PTPRN2: variants seen among roughly 807,000 people sequenced by gnomAD.
PTPRN2 encodes the protein receptor-type tyrosine-protein phosphatase N2.
A neutral mutation model predicts 118.8 loss-of-function variants in PTPRN2; 74 were observed. That is an observed-to-expected ratio of 0.62 (90% CI 0.52 to 0.76). PTPRN2 has a LOEUF of 0.76. Ranked by LOEUF, PTPRN2 falls within the 30% of genes least tolerant of loss-of-function variation. The pLI is 0.00. For synonymous variants in PTPRN2, 641 were observed against 608.0 expected (o/e 1.05, Z -0.80); for missense variants, 1,481 against 1,394.4 (o/e 1.06, Z -0.99).
chr7:158,149,132 C>A (rs1207357733), intron 6 of PTPRN2, among the ~76,000 whole-genome samples: 1 of 150,876 alleles, frequency 6.6e-6, no homozygotes, highest in Admixed American at 6.6e-5. Flanking sequence ...GACACCCCAT[C>A]TCACGCCACG....
At chr7:158,295,839 C>T (rs1366943368) in intron 3 of PTPRN2, among the ~76,000 whole-genome samples, 1 of 152,286 alleles carries the variant, frequency 6.6e-6, no homozygotes, top group African/African-American at 2.4e-5. Flanking sequence ...TGCCTGTCTG[C>T]CCAGATGCTG....
At chr7:157,981,618 A>G (rs536124216) in intron 11 of PTPRN2, among the ~76,000 whole-genome samples, 1 of 152,364 alleles carries the variant, frequency 6.6e-6, no homozygotes, top group African/African-American at 2.4e-5. Flanking sequence ...CTTTATTTTA[A>G]AAAATAACTC....
At chr7:158,132,669 A>G (rs1360496962) in intron 9 of PTPRN2, among the ~76,000 whole-genome samples, 1 of 145,534 alleles carries the variant, frequency 6.9e-6, no homozygotes, top group Admixed American at 6.8e-5. Flanking sequence ...ACACTCATAT[A>G]CACACAGATA....
chr7:157,663,326 C>T (rs1000329612), intron 13 of PTPRN2, among the ~76,000 whole-genome samples: 8 of 152,278 alleles, frequency 5.3e-5, no homozygotes, highest in Admixed American at 3.3e-4. Flanking sequence ...GGCTGTCGGC[C>T]GTCCTGCACG....
chr7:158,148,506 C>G, intron 6 of PTPRN2, among the ~76,000 whole-genome samples: 1 of 137,346 alleles, frequency 7.3e-6, no homozygotes, highest in East Asian at 2.1e-4. Flanking sequence ...GTGTCTTTCC[C>G]CCTCACTGAC....
At chr7:157,923,548 C>T (rs1563242445) in intron 11 of PTPRN2, among the ~76,000 whole-genome samples, 3 of 152,324 alleles carry the variant, frequency 2.0e-5, no homozygotes, top group Middle Eastern at 3.4e-3. Flanking sequence ...AAGACAGGCC[C>T]GAGACCTCCT....
At position 158,171,282 on chromosome 7, in the gene PTPRN2, T is replaced by C. The variant is rs1476940133; in HGVS notation, c.550-3991A>G. ...ATATATACACACATATATACACACA[T>C]ATATATACACACATATATATACACA... On this transcript the variant is annotated intron_variant, in intron 5 of 22. Transcript: ENST00000389418. Among the ~76,000 whole-genome samples, 18 of 19,272 alleles carry C rather than the reference T, an allele frequency of 9.3e-4. 1 individual carries two copies. In the East Asian group the frequency reaches 0.017, roughly 18 times the overall value. The allele number at this position is 19,272 out of a possible 152,430, so 12.6% of individuals were successfully genotyped here.
chr7:157,674,162 A>G lies in PTPRN2; in HGVS notation c.2001+8563T>C, dbSNP rs190458392. Among the ~76,000 whole-genome samples the G allele has an allele frequency of 1.8e-3, 275 of 152,140 alleles. No individual in the cohort carries two copies. Among genetic ancestry groups the G allele is most frequent in the African/African-American group, 4.6e-3 (192 of 41,512 alleles). On this transcript the variant is annotated intron_variant, in intron 13 of 22. Transcript: ENST00000389418. The surrounding 1 kb of genome is among the most constrained non-coding windows in gnomAD (Gnocchi z 4.5). ...AGCCATGGCAAAATGAACCCCCAAC[A>G]CAGCAGGGGAGGGAAGGAGGAGGCG...
chr7:158,266,655 A>T (rs1053036110), intron 3 of PTPRN2, among the ~76,000 whole-genome samples: 1 of 152,216 alleles, frequency 6.6e-6, no homozygotes, highest in African/African-American at 2.4e-5. Context: ...GGACAGGCAC[A>T]ACGGCCACTT....
rs185964080 is a variant in PTPRN2, at chr7:157,678,815, G to A, written c.2001+3910C>T. Among the ~76,000 whole-genome samples, 18 of 152,198 alleles carry A rather than the reference G, an allele frequency of 1.2e-4. No individual in the cohort carries two copies. In the East Asian group the frequency reaches 2.9e-3, roughly 25 times the overall value. On this transcript the variant is annotated intron_variant, in intron 13 of 22. Coordinates refer to ENST00000389418, the MANE Select transcript of PTPRN2 (RefSeq NM_002847.5). ...CTGCAGGAGTCTCTGCCCTCATGTC[G>A]GGGAAGGGAGAGTGGGCTGGCAGAA... is the stretch of plus-strand genomic sequence containing the variant.
rs1271453746 is a variant in PTPRN2, at chr7:158,205,173, G to A, written c.378C>T (p.Ala126=). 6.2e-7 allele frequency: 1 copy of A among 1,612,624 alleles called. No individual in the cohort carries two copies. The highest frequency in any genetic ancestry group is 8.5e-7 in the Non-Finnish European group (1 of 1,178,596). Residue 126 remains alanine (A), a splice_region_variant and synonymous_variant, in exon 4 of 23, where the codon GCC becomes GCT. Coordinates refer to ENST00000389418, the MANE Select transcript of PTPRN2 (RefSeq NM_002847.5). Reference sequence around the variant, plus strand: ...CAACAAGCCACGTCCACACTTACCTGGCTGGGCTGGATGCTTCAGGACGCC... The same window carrying A: ...CAACAAGCCACGTCCACACTTACCTAGCTGGGCTGGATGCTTCAGGACGCC... ...YLRRPEASSP[A]RPSKHSVGSE...
intron 21 of PTPRN2, among the ~76,000 whole-genome samples, chr7:157,566,399 C>T (rs866997122): frequency 1.9e-4 from 29 of 152,200 alleles, no homozygotes; most frequent in African/African-American, 7.0e-4. Context: ...CGGGCAGGGC[C>T]CAGCCTGCAC....
At chr7:158,016,851 T>C (rs1806498433) in intron 11 of PTPRN2, among the ~76,000 whole-genome samples, 1 of 152,190 alleles carries the variant, frequency 6.6e-6, no homozygotes, top group Non-Finnish European at 1.5e-5. Flanking sequence ...AAACTGTTAA[T>C]TGCATTTTCA....
chr7:157,633,379 G>A (rs1804087731), intron 14 of PTPRN2, among the ~76,000 whole-genome samples: 1 of 152,190 alleles, frequency 6.6e-6, no homozygotes, highest in Non-Finnish European at 1.5e-5. Context: ...CTGACCTCGG[G>A]TGATCTGCCT....
intron 2 of PTPRN2, among the ~76,000 whole-genome samples, chr7:158,462,444 G>A (rs966258140): frequency 1.4e-4 from 22 of 152,118 alleles, no homozygotes; most frequent in African/African-American, 4.6e-4. Flanking sequence ...ATGCGATACC[G>A]TACTTGCATT....
intron 6 of PTPRN2, among the ~76,000 whole-genome samples, chr7:158,147,313 G>A (rs1346637720): frequency 3.2e-4 from 35 of 109,530 alleles, no homozygotes; most frequent in African/African-American, 1.6e-3. Flanking sequence ...CCCATCTCAT[G>A]CCACGTGTCT....
intron 12 of PTPRN2, among the ~76,000 whole-genome samples, chr7:157,889,715 T>G (rs138063179): frequency 6.6e-6 from 1 of 152,262 alleles, no homozygotes; most frequent in Non-Finnish European, 1.5e-5. Flanking sequence ...CCACTCAGCA[T>G]AAATTCCTGT....
At chr7:157,996,240 G>A (rs1369457884) in intron 11 of PTPRN2, among the ~76,000 whole-genome samples, 1 of 152,232 alleles carries the variant, frequency 6.6e-6, no homozygotes, top group Non-Finnish European at 1.5e-5. Flanking sequence ...ATGCGTGCAT[G>A]GATGTAGCAC....
In PTPRN2 at chr7:158,437,026, A is replaced by T. The variant is rs1260229044; in HGVS notation, c.163+52709T>A. The stretch of plus-strand genomic sequence containing the variant: ...AGGTTTGAAAAAAATCATAGCTCTC[A>T]TCGCCTCAAACATTGCTTCTAAGCT... On this transcript the variant is annotated intron_variant, in intron 2 of 22. Transcript: ENST00000389418. Among the ~76,000 whole-genome samples the T allele has an allele frequency of 2.0e-5, 3 of 152,168 alleles. No homozygotes were observed. In the South Asian group the frequency reaches 6.2e-4, roughly 32 times the overall value.
Sources: gnomAD v4.1 joint callset for allele counts (sites outside exome capture counted in the v4.1 genomes callset) on GRCh38, gnomAD v4.1.1 for gene constraint, Gnocchi (gnomAD v3.1) non-coding constraint, MANE v1.5 for transcripts, NCBI Gene and HGNC (gene_info 2026-07-23, HGNC 2026-07-21) for gene names.